Variants in DIAPH3 observed in about 807,000 individuals in gnomAD.
DIAPH3 encodes diaphanous related formin 3.
In DIAPH3, 117 loss-of-function variants were observed where a neutral mutation model predicts 144.3. That is an observed-to-expected ratio of 0.81 (90% confidence interval 0.70 to 0.95). The LOEUF (loss-of-function observed/expected upper bound fraction) is 0.95, where lower values mean the gene tolerates loss of function less well. Ranked by LOEUF, DIAPH3 falls within the 40% of genes least tolerant of loss-of-function variation. DIAPH3 has a pLI of 0.00. For synonymous variants in DIAPH3, 519 were observed against 488.9 expected, an observed-to-expected ratio of 1.06 and a Z score of -0.81; for missense variants, 1,421 against 1,412.7, an observed-to-expected ratio of 1.01 and a Z score of -0.09.
intron 25 of DIAPH3, among the ~76,000 whole-genome samples, chr13:59,780,154 A>G (rs2038661467): frequency 6.6e-6 from 1 of 152,070 alleles, no homozygotes; most frequent in Non-Finnish European, 1.5e-5. Context: ...ACTAGGCACC[A>G]AGATACCTAG....
chr13:59,836,205 TCTC>T (rs1273219391), intron 23 of DIAPH3, among the ~76,000 whole-genome samples: 4 of 151,800 alleles, frequency 2.6e-5, no homozygotes, highest in African/African-American at 9.7e-5. Context: ...TATTTGTTCT[TCTC>T]CTTAAAATAA....
At chr13:59,728,263 A>T (rs1401794065) in intron 27 of DIAPH3, among the ~76,000 whole-genome samples, 1 of 151,206 alleles carries the variant, frequency 6.6e-6, no homozygotes, top group Non-Finnish European at 1.5e-5. Context: ...TTGCTTTTCC[A>T]TTTTAAGAAT....
intron 24 of DIAPH3, among the ~76,000 whole-genome samples, chr13:59,820,179 T>C (rs1160978428): frequency 1.3e-5 from 2 of 151,900 alleles, no homozygotes; most frequent in Admixed American, 6.6e-5. Flanking sequence ...ATCAAACATA[T>C]GGGGGAGTGC....
intron 13 of DIAPH3, 75 bp downstream of exon 13, chr13:59,983,694 G>A (rs571425732): frequency 1.8e-5 from 18 of 1,025,234 alleles, no homozygotes; most frequent in East Asian, 4.9e-5. Context: ...GACACAACCC[G>A]AGAACCAATG....
At chr13:60,046,984 G>A (rs1447887782) in intron 4 of DIAPH3, among the ~76,000 whole-genome samples, 1 of 152,036 alleles carries the variant, frequency 6.6e-6, no homozygotes, top group African/African-American at 2.4e-5. Flanking sequence ...GGGGGTTGGG[G>A]GGCTAAGAGA....
intron 17 of DIAPH3, 128 bp downstream of exon 17, chr13:59,969,816 G>T (rs973934962): frequency 1.2e-5 from 6 of 506,344 alleles, no homozygotes; most frequent in Admixed American, 3.7e-5. Context: ...CCATTTATTT[G>T]CCCATTAGGA....
intron 21 of DIAPH3, among the ~76,000 whole-genome samples, chr13:59,873,964 G>A (rs1593779149): frequency 1.3e-5 from 2 of 152,118 alleles, no homozygotes; most frequent in Non-Finnish European, 2.9e-5. Context: ...GAGCCACTGC[G>A]CCTGGCCTCA....
intron 21 of DIAPH3, among the ~76,000 whole-genome samples, chr13:59,872,826 G>T (rs1267942341): frequency 6.6e-6 from 1 of 152,200 alleles, no homozygotes; most frequent in African/African-American, 2.4e-5. Flanking sequence ...GGTGTTTGGG[G>T]GAAAGGGTAG....
intron 9 of DIAPH3, among the ~76,000 whole-genome samples, chr13:60,000,062 T>C (rs2052433197): frequency 6.6e-6 from 1 of 152,210 alleles, no homozygotes; most frequent in South Asian, 2.1e-4. Context: ...TATTTTCATA[T>C]GTTACTATGA....
chr13:59,703,511 T>C (rs73208908), intron 27 of DIAPH3, among the ~76,000 whole-genome samples: 6,919 of 152,282 alleles, frequency 0.045, 177 homozygotes, highest in African/African-American at 0.054. Context: ...CTCTCCTGTT[T>C]TCTGCTTATC....
chr13:59,803,625 T>C (rs1244309566), intron 25 of DIAPH3, among the ~76,000 whole-genome samples: 1 of 152,170 alleles, frequency 6.6e-6, no homozygotes, highest in African/African-American at 2.4e-5. Context: ...AATTAAGTTA[T>C]GTTGGAAGTC....
intron 27 of DIAPH3, among the ~76,000 whole-genome samples, chr13:59,724,382 T>C (rs531434695): frequency 8.8e-4 from 134 of 152,240 alleles, no homozygotes; most frequent in Non-Finnish European, 1.6e-3. Flanking sequence ...TGTTTTCAGA[T>C]AGAAAGAATG....
intron 4 of DIAPH3, among the ~76,000 whole-genome samples, chr13:60,069,855 A>G (rs2057131552): frequency 6.6e-6 from 1 of 152,146 alleles, no homozygotes; most frequent in Non-Finnish European, 1.5e-5. Flanking sequence ...TTGTACAAAT[A>G]CCATGCTGTT....
intron 8 of DIAPH3, among the ~76,000 whole-genome samples, chr13:60,010,047 T>C (rs1265439349): frequency 6.6e-6 from 1 of 152,204 alleles, no homozygotes; most frequent in African/African-American, 2.4e-5. Context: ...GTGTGCTTTA[T>C]GCTCAAGGAC....
chr13:59,783,229 G>C (rs547847624), intron 25 of DIAPH3, among the ~76,000 whole-genome samples: 1 of 152,052 alleles, frequency 6.6e-6, no homozygotes, highest in East Asian at 1.9e-4. Context: ...GAAAGGAGGA[G>C]ACATAGAGAA....
chr13:60,043,545 A>G (rs1305426752), intron 4 of DIAPH3, among the ~76,000 whole-genome samples: 1 of 152,220 alleles, frequency 6.6e-6, no homozygotes, highest in African/African-American at 2.4e-5. Context: ...TATGCAACTG[A>G]AGACAGAGGC....
Position 60,061,064 on chromosome 13 carries a change from G to C in DIAPH3, c.496-18244C>G, listed in dbSNP as rs146782860. On this transcript the variant is annotated intron_variant, in intron 4 of 27. Transcript: ENST00000400324. ...TCCTGTATATGAACCTAGTCTCTGG[G>C]AGCAGAAGGGAAGATGTCCCAATTG... is the stretch of plus-strand genomic sequence containing the variant. Among the ~76,000 whole-genome samples, 872 of 152,114 alleles carry C rather than the reference G, an allele frequency of 5.7e-3. 12 individuals are homozygous for C. Among genetic ancestry groups the C allele is most frequent in the African/African-American group, 0.02 (822 of 41,500 alleles).
At chr13:59,705,511 C>A (rs2034369908) in intron 27 of DIAPH3, among the ~76,000 whole-genome samples, 1 of 152,094 alleles carries the variant, frequency 6.6e-6, no homozygotes, top group Admixed American at 6.6e-5. Context: ...AAAAAAGGAA[C>A]CTCATAAAAT....
In DIAPH3 at chr13:59,687,424, T is replaced by C. The variant is rs146538216; in HGVS notation, c.3320-20578A>G. The stretch of plus-strand genomic sequence containing the variant: ...AGCTGATAAAACTTTTGATGGAGTA[T>C]AAGTATTTGTCTCCAACAAATACAG... On this transcript the variant is annotated intron_variant, in intron 27 of 27. Transcript: ENST00000400324. Among the ~76,000 whole-genome samples the C allele has an allele frequency of 2.0e-3, 304 of 152,214 alleles. 2 individuals carry two copies. The highest frequency in any genetic ancestry group is 0.01 in the Middle Eastern group (3 of 294).
Sources: allele counts gnomAD v4.1 joint callset (sites outside exome capture counted in the v4.1 genomes callset), GRCh38; gene constraint gnomAD v4.1.1; transcripts MANE v1.5; gene names NCBI Gene and HGNC (gene_info 2026-07-23, HGNC 2026-07-21).